The following PTPN3 variants were observed in gnomAD, a reference collection of about 807,000 sequenced individuals.
The protein encoded by PTPN3 is protein tyrosine phosphatase non-receptor type 3, also known as tyrosine-protein phosphatase non-receptor type 3.
In PTPN3, 96 loss-of-function variants were observed where a neutral mutation model predicts 132.7. The ratio of observed to expected loss-of-function variants is 0.72; its 90% confidence interval spans 0.61 to 0.86. The LOEUF (loss-of-function observed/expected upper bound fraction) is 0.86. PTPN3 is among the 40% of genes least tolerant of loss of function. The probability of loss-of-function intolerance (pLI) is 0.00; values close to 1 mark genes in which losing one functional copy is unlikely to be tolerated. For synonymous variants in PTPN3, 398 were observed against 429.0 expected (o/e 0.93, Z 0.89); for missense variants, 1,125 against 1,159.6 (o/e 0.97, Z 0.43).
chr9:109,400,764 T>C (rs967746581), intron 19 of PTPN3, among the ~76,000 whole-genome samples: 7 of 152,198 alleles, frequency 4.6e-5, no homozygotes, highest in African/African-American at 9.6e-5. Flanking sequence ...CTTGTGAGAA[T>C]TACCTAAGGT....
intron 22 of PTPN3, among the ~76,000 whole-genome samples, chr9:109,385,924 G>A (rs759092201): frequency 9.2e-5 from 14 of 152,316 alleles, no homozygotes; most frequent in Non-Finnish European, 1.9e-4. Context: ...AGCTGACCAG[G>A]GAGATGGTTT....
At chr9:109,416,323 G>A (rs1311401311) in intron 14 of PTPN3, among the ~76,000 whole-genome samples, 6 of 152,274 alleles carry the variant, frequency 3.9e-5, no homozygotes, top group Admixed American at 3.3e-4. Flanking sequence ...TGCACTGTAG[G>A]GGACTCTCCA....
chr9:109,526,782 C>CTATAGCAATTAAGATAGTTTGG, the PTPN3 span, among the ~76,000 whole-genome samples: 1 of 152,096 alleles, frequency 6.6e-6, no homozygotes, highest in Non-Finnish European at 1.5e-5. Flanking sequence ...ACTTATAAAG[C>CTATAGCAATTAAGATAGTTTGG]TATAGCAATT....
intron 17 of PTPN3, among the ~76,000 whole-genome samples, 162 bp from the exon 18 acceptor site, chr9:109,406,780 G>C (rs1019886246): frequency 4.6e-5 from 7 of 152,242 alleles, no homozygotes; most frequent in Non-Finnish European, 8.8e-5. Context: ...CCACTGCTAT[G>C]TGGACATGGT....
chr9:109,457,241 T>C, intron 3 of PTPN3, 26 bp from the exon 4 acceptor site: 3 of 1,613,506 alleles, frequency 1.9e-6, no homozygotes, highest in Non-Finnish European at 8.5e-7. Flanking sequence ...ACATAAAATA[T>C]AAAAGCAAAC....
At chr9:109,538,273 C>A in the PTPN3 span, among the ~76,000 whole-genome samples, 8 of 152,322 alleles carry the variant, frequency 5.3e-5, no homozygotes, top group South Asian at 2.1e-4. Context: ...TCTTGCTCCA[C>A]CATGATGCTG....
At position 109,410,291 on chromosome 9, in the gene PTPN3, C is replaced by T; in HGVS notation, c.1438G>A (p.Asp480Asn). The T allele has an allele frequency of 6.2e-7, 1 of 1,614,170 alleles. No homozygotes were observed. Among genetic ancestry groups the T allele is most frequent in the Non-Finnish European group, 8.5e-7 (1 of 1,180,034 alleles). The change falls in exon 15 of 26, where the codon GAC becomes AAC. Residue 480 changes from aspartate to asparagine, a missense_variant. Physicochemically the swap from Asp to Asn is conservative, Grantham distance 23. Coordinates refer to ENST00000374541, the MANE Select transcript of PTPN3 (RefSeq NM_002829.4). ...CCCCCTTTGGTCACCCTGTGGAAGT[C>T]ATCTAAGAGCTGCTGATCAACGCCG... ...PDGVDQQLLD[D>N]FHRVTKGGST...
At chr9:109,413,866 T>A (rs10120104) in intron 14 of PTPN3, among the ~76,000 whole-genome samples, 74,421 of 151,730 alleles carry the variant, frequency 0.49, 18,539 homozygotes, top group South Asian at 0.7. Flanking sequence ...AACACTCCCA[T>A]GAAAGAGACA....
chr9:109,430,296 A>G (rs1843564981), intron 10 of PTPN3, among the ~76,000 whole-genome samples: 1 of 152,104 alleles, frequency 6.6e-6, no homozygotes, highest in African/African-American at 2.4e-5. Flanking sequence ...TGTTTGGCCC[A>G]TGGGTATCTG....
chr9:109,426,770 G>A (rs1475800668), intron 12 of PTPN3, among the ~76,000 whole-genome samples, 180 bp downstream of exon 12: 1 of 152,162 alleles, frequency 6.6e-6, no homozygotes, highest in African/African-American at 2.4e-5. Flanking sequence ...CTGGGAACAT[G>A]AGATATCCCT....
intron 14 of PTPN3, among the ~76,000 whole-genome samples, chr9:109,416,077 T>C (rs1842463678): frequency 6.6e-6 from 1 of 152,146 alleles, no homozygotes; most frequent in African/African-American, 2.4e-5. Context: ...GAAGGCTCAT[T>C]TGCACTTGGA....
chr9:109,407,209 A>T (rs1336124109), intron 17 of PTPN3, among the ~76,000 whole-genome samples: 1 of 152,148 alleles, frequency 6.6e-6, no homozygotes, highest in East Asian at 1.9e-4. Flanking sequence ...CTACTGCTTT[A>T]AAAAAGCAGA....
chr9:109,524,256 GCAGA>G, the PTPN3 span, among the ~76,000 whole-genome samples: 1 of 151,864 alleles, frequency 6.6e-6, no homozygotes, highest in Non-Finnish European at 1.5e-5. Flanking sequence ...AAAAAAACCA[GCAGA>G]CAAACAAACC....
At chr9:109,467,752 C>T (rs867293237) in intron 1 of PTPN3, among the ~76,000 whole-genome samples, 2 of 152,166 alleles carry the variant, frequency 1.3e-5, no homozygotes, top group Non-Finnish European at 2.9e-5. Flanking sequence ...CTCGTGCTGG[C>T]GTGGGTGCCG....
At chr9:109,536,676 T>C in the PTPN3 span, among the ~76,000 whole-genome samples, 1 of 152,086 alleles carries the variant, frequency 6.6e-6, no homozygotes, top group African/African-American at 2.4e-5. Flanking sequence ...GCTTTGAATA[T>C]GAGAAGAGCT....
At chr9:109,473,206 C>T (rs1037478272) in intron 1 of PTPN3, among the ~76,000 whole-genome samples, 1 of 152,126 alleles carries the variant, frequency 6.6e-6, no homozygotes, top group Non-Finnish European at 1.5e-5. Flanking sequence ...CCTGATACTC[C>T]AAAAGTACAA....
At position 109,391,564 on chromosome 9, in the gene PTPN3, A is replaced by G. The variant is rs1391867397; in HGVS notation, c.1954-3T>C. 5 of 1,606,766 alleles carry G rather than the reference A, an allele frequency of 3.1e-6. No homozygotes were observed. The highest frequency in any genetic ancestry group is 1.1e-5 in the South Asian group (1 of 89,628). ...CCTGGCTTTTTTCTGTAGAGTTGCT[A>G]TGTGAGAAATAGAGAAAAAAGCAAG... On this transcript the variant is annotated splice_polypyrimidine_tract_variant and splice_region_variant and intron_variant, in intron 19 of 25. Coordinates refer to ENST00000374541, the MANE Select transcript of PTPN3 (RefSeq NM_002829.4).
intron 14 of PTPN3, among the ~76,000 whole-genome samples, chr9:109,418,812 C>T (rs1842698149): frequency 6.6e-6 from 1 of 152,106 alleles, no homozygotes; most frequent in Non-Finnish European, 1.5e-5. Flanking sequence ...CTGTACTGGA[C>T]AGGGAAGGTT....
the PTPN3 span, among the ~76,000 whole-genome samples, chr9:109,505,466 A>G: frequency 6.6e-6 from 1 of 151,996 alleles, no homozygotes; most frequent in African/African-American, 2.4e-5. Context: ...CTTTGTTTAG[A>G]TGAGGTCTTG....
Sources: allele counts gnomAD v4.1 joint callset (sites outside exome capture counted in the v4.1 genomes callset), GRCh38; gene constraint gnomAD v4.1.1; transcripts MANE v1.5; gene names NCBI Gene and HGNC (gene_info 2026-07-23, HGNC 2026-07-21).